GUCY2D: variants seen among roughly 807,000 people sequenced by gnomAD.
GUCY2D encodes retinal guanylyl cyclase 1.
GUCY2D carries 70 observed loss-of-function variants against 101.3 expected under a neutral mutation model. The ratio of observed to expected loss-of-function variants is 0.69; its 90% CI spans 0.57 to 0.84. The LOEUF is 0.84. GUCY2D is among the 40% of genes least tolerant of loss of function. The probability of loss-of-function intolerance (pLI) is 0.00; values close to 1 mark genes in which losing one functional copy is unlikely to be tolerated. For synonymous variants in GUCY2D, 688 were observed against 670.7 expected (o/e 1.03, Z -0.40); for missense variants, 1,460 against 1,542.5 (o/e 0.95, Z 0.90).
In GUCY2D at chr17:8,015,993, T is replaced by C. The variant is rs2151803953; in HGVS notation, c.3110T>C (p.Val1037Ala). 1.2e-6 allele frequency: 2 copies of C among 1,610,790 alleles called. No homozygotes were observed. Among genetic ancestry groups the C allele is most frequent in the South Asian group, 2.2e-5 (2 of 90,340 alleles). The change falls in exon 17 of 20, where the codon GTG (valine) becomes GCG (alanine). Residue 1037 changes from valine (V) to alanine (A), a missense_variant. Physicochemically the swap from Val to Ala is moderately conservative, Grantham distance 64. This residue lies in a region of GUCY2D where 215 missense variants were observed against 227.9 expected (regional missense o/e 0.94). Coordinates refer to ENST00000254854, the MANE Select transcript of GUCY2D (RefSeq NM_000180.4). The stretch of plus-strand genomic sequence containing the variant: ...CGTGCTCTGGACTCGGGCTACCAGG[T>C]GGAGCTGCGAGGCCGCACGGAGCTG... ...ILRALDSGYQ[V>A]ELRGRTELKG...
At chr17:8,008,514 C>T (rs191332697) in intron 7 of GUCY2D, among the ~76,000 whole-genome samples, 95 of 152,226 alleles carry the variant, frequency 6.2e-4, no homozygotes, top group Admixed American at 6.1e-3. Context: ...AATCTGAATG[C>T]GGTCAAGTGG....
In GUCY2D at chr17:8,014,735, A is replaced by G; in HGVS notation, c.2547A>G (p.Thr849=). The change falls in exon 13 of 20, where the codon ACA becomes ACG. Residue 849 remains threonine, a synonymous_variant. Transcript: ENST00000254854. The surrounding 1 kb of genome is among the most constrained non-coding windows in gnomAD (Gnocchi z 4.0). The part of the protein sequence containing the change: ...TEELELEKQK[T]DRLLTQMLPP... ...AGCTGGAGCTGGAAAAGCAGAAGAC[A>G]GACCGGCTGCTTACACAGATGCTGC... 2 of 1,573,468 alleles carry G rather than the reference A, an allele frequency of 1.3e-6. No individual in the cohort carries two copies. The highest frequency in any genetic ancestry group is 1.7e-6 in the Non-Finnish European group (2 of 1,155,584).
At position 8,013,897 on chromosome 17, in the gene GUCY2D, C is replaced by T. The variant is rs200637525; in HGVS notation, c.2281C>T (p.Arg761Trp). The T allele has an allele frequency of 2.2e-5, 35 of 1,612,940 alleles. No individual in the cohort carries two copies. Among genetic ancestry groups the T allele is most frequent in the Non-Finnish European group, 2.8e-5 (33 of 1,179,112 alleles). ...LTPEEVVQRV[R>W]SPPPLCRPLV... ...GCCTCCAGAAGTGGTGCAGAGGGTG[C>T]GGAGCCCCCCTCCACTGTGTCGGCC... Residue 761 changes from arginine to tryptophan, a missense_variant, in exon 12 of 20, where the codon CGG (arginine) becomes TGG (tryptophan). Coordinates refer to ENST00000254854, the MANE Select transcript of GUCY2D (RefSeq NM_000180.4). This position sits in a 1 kb window ranked among gnomAD's most constrained non-coding sequence, Gnocchi z 5.0.
chr17:8,012,980 G>A, intron 10 of GUCY2D, 123 bp from the exon 11 acceptor site: 1 of 809,796 alleles, frequency 1.2e-6, no homozygotes. Flanking sequence ...GCTGGTCTCA[G>A]GTTGCAGGGT....
intron 3 of GUCY2D, among the ~76,000 whole-genome samples, chr17:8,005,683 C>G (rs1486315237): frequency 6.6e-6 from 1 of 152,188 alleles, no homozygotes; most frequent in African/African-American, 2.4e-5. Context: ...GTTTCCCCTA[C>G]TTTTACTCAT....
rs146031822 is a variant in GUCY2D at position 8,006,438 on chromosome 17, G to A, written c.1102G>A (p.Ala368Thr). Residue 368 changes from alanine (A) to threonine (T), a missense_variant, in exon 4 of 20, where the codon GCA (alanine) becomes ACA (threonine). Coordinates refer to ENST00000254854, the MANE Select transcript of GUCY2D (RefSeq NM_000180.4). ...ARGVAEARAA[A>T]GGRWVSGAAV... ...GGGCGTGGCAGAAGCGCGGGCTGCC[G>A]CAGGTGGCAGATGGGTGTCCGGAGC... The A allele has an allele frequency of 1.9e-6, 3 of 1,604,294 alleles. No homozygotes were observed. Among genetic ancestry groups the A allele is most frequent in the Non-Finnish European group, 2.5e-6 (3 of 1,179,970 alleles).
In GUCY2D at chr17:8,012,738, G is replaced by A. The variant is rs1053592316; in HGVS notation, c.2113+132G>A. The stretch of plus-strand genomic sequence containing the variant: ...TCCACCAGACACAATTCCTGCTACA[G>A]AAAAGATCTTGTGGCCTCTGAGAGG... On this transcript the variant is annotated intron_variant, in intron 10 of 19. Transcript: ENST00000254854. 4 of 806,994 alleles carry A rather than the reference G, an allele frequency of 5.0e-6. No individual in the cohort carries two copies. In the East Asian group the frequency reaches 1.1e-4, roughly 22 times the overall value. The allele number at this position is 806,994 out of a possible 1,614,324, so 50.0% of individuals were successfully genotyped here.
chr17:8,005,019 AAGT>A (rs1379580100), intron 3 of GUCY2D, among the ~76,000 whole-genome samples: 1 of 151,964 alleles, frequency 6.6e-6, no homozygotes, highest in Admixed American at 6.6e-5. Flanking sequence ...GAGGTTGAGA[AAGT>A]AGAGAGAGAA....
rs1250667402 is a variant in GUCY2D at position 8,012,468 on chromosome 17, C to T, written c.1975C>T (p.His659Tyr). ...TTCCAAGGGAATAAGGTATCTGCAC[C>T]ATCGAGGCGTGGCTCATGGGCGGCT... ...DLIKGIRYLH[H>Y]RGVAHGRLKS... The change falls in exon 10 of 20, where the codon CAT becomes TAT. Residue 659 changes from histidine to tyrosine, a missense_variant. Coordinates refer to ENST00000254854, the MANE Select transcript of GUCY2D (RefSeq NM_000180.4). 1 of 1,613,968 alleles carries T rather than the reference C, an allele frequency of 6.2e-7. No individual in the cohort carries two copies. The highest frequency in any genetic ancestry group is 2.2e-5 in the East Asian group (1 of 44,894).
rs1975646212 is a variant in GUCY2D at position 8,002,682 on chromosome 17, C to A, written c.-62C>A. On this transcript the variant is annotated 5_prime_UTR_variant, in exon 1 of 20. Transcript: ENST00000254854. This position sits in a 1 kb window ranked among gnomAD's most constrained non-coding sequence, Gnocchi z 4.9. ...TGTGGGCGGGCGTCAAAAGGGGGAC[C>A]GGCCCTGTGACCCCTCACCGGGGGC... 4.3e-6 allele frequency: 1 copy of A among 232,076 alleles called. No homozygotes were observed. The highest frequency in any genetic ancestry group is 8.0e-6 in the Non-Finnish European group (1 of 124,780). The allele number at this position is 232,076 out of a possible 1,614,324, so 14.4% of individuals were successfully genotyped here. A position where few individuals can be genotyped will look rare whatever the true frequency, so the allele number is the denominator to read the frequency against.
At chr17:8,006,271 AGTGGATACCCTG>A in intron 3 of GUCY2D, 80 bp from the exon 4 acceptor site, 1 of 938,354 alleles carries the variant, frequency 1.1e-6, no homozygotes, top group Non-Finnish European at 1.7e-6. Flanking sequence ...AGGTGGCAAC[AGTGGATACCCTG>A]GGCTTGACAG....
intron 10 of GUCY2D, 92 bp downstream of exon 10, chr17:8,012,698 T>C: frequency 1.0e-6 from 1 of 992,912 alleles, no homozygotes; most frequent in Non-Finnish European, 1.6e-6. Context: ...GCCCTCGCAC[T>C]CTCTTCATCC....
Position 8,013,342 on chromosome 17 carries a change from C to T in GUCY2D, c.2263+90C>T. ...CTCACTCTTTCCTCTAAAGCAAAGCCCAGTGATGAAACTCAATTATACGGA... is the reference window on the plus strand; with the variant it reads ...CTCACTCTTTCCTCTAAAGCAAAGCTCAGTGATGAAACTCAATTATACGGA... On this transcript the variant is annotated intron_variant, in intron 11 of 19. Coordinates refer to ENST00000254854, the MANE Select transcript of GUCY2D (RefSeq NM_000180.4). This position sits in a 1 kb window ranked among gnomAD's most constrained non-coding sequence, Gnocchi z 5.0. 7.5e-7 allele frequency: 1 copy of T among 1,337,694 alleles called. No individual in the cohort carries two copies. Among genetic ancestry groups the T allele is most frequent in the Non-Finnish European group, 1.1e-6 (1 of 947,666 alleles). The allele number at this position is 1,337,694 out of a possible 1,614,324, so 82.9% of individuals were successfully genotyped here.
intron 19 of GUCY2D, among the ~76,000 whole-genome samples, chr17:8,018,457 T>C (rs1351966713): frequency 6.6e-6 from 1 of 152,202 alleles, no homozygotes; most frequent in African/African-American, 2.4e-5. Flanking sequence ...GATCTTTAAA[T>C]CTTAGAATCT....
rs377650196 is a variant in GUCY2D at position 8,006,556 on chromosome 17, C to T, written c.1220C>T (p.Thr407Met). The T allele has an allele frequency of 3.5e-5, 56 of 1,612,986 alleles. No individual in the cohort carries two copies. The highest frequency in any genetic ancestry group is 4.3e-5 in the Non-Finnish European group (51 of 1,180,040). Residue 407 changes from threonine to methionine, a missense_variant, in exon 4 of 20, where the codon ACG becomes ATG. Coordinates refer to ENST00000254854, the MANE Select transcript of GUCY2D (RefSeq NM_000180.4). ...GAGCCCCCATTCGTGCTGCTAGACA[C>T]GGACGCGGCGGGAGACCGGCTTTTT... is the stretch of plus-strand genomic sequence containing the variant. ...DEEPPFVLLDTDAAGDRLFAT... is the reference protein window; with the variant it reads ...DEEPPFVLLDMDAAGDRLFAT...
Position 8,013,836 on chromosome 17 carries a change from G to A in GUCY2D, c.2264-44G>A, listed in dbSNP as rs1975904448. 4 of 1,588,298 alleles carry A rather than the reference G, an allele frequency of 2.5e-6. No individual in the cohort carries two copies. Among genetic ancestry groups the A allele is most frequent in the Non-Finnish European group, 2.6e-6 (3 of 1,157,492 alleles). ...CAGGCCAGGGTCAGAGGCAGCCTTT[G>A]TGTTCTGGGGGCACTCCCCCTCACT... On this transcript the variant is annotated intron_variant, in intron 11 of 19. Transcript: ENST00000254854. The surrounding 1 kb of genome is among the most constrained non-coding windows in gnomAD (Gnocchi z 5.0).
In GUCY2D at chr17:8,013,405, G is replaced by A; in HGVS notation, c.2263+153G>A. 1.3e-6 allele frequency: 1 copy of A among 797,214 alleles called. No homozygotes were observed. The highest frequency in any genetic ancestry group is 2.1e-6 in the Non-Finnish European group (1 of 476,620). 49.4% of individuals were successfully genotyped at this position (797,214 alleles called of 1,614,324 possible). Reference sequence around the variant, plus strand: ...GCTGGCATCTGCAGGTCTGGGTGCAGAAAGCCGTGCATGGCCAGGGTGGGG... The same window carrying A: ...GCTGGCATCTGCAGGTCTGGGTGCAAAAAGCCGTGCATGGCCAGGGTGGGG... On this transcript the variant is annotated intron_variant, in intron 11 of 19. Transcript: ENST00000254854. This position sits in a 1 kb window ranked among gnomAD's most constrained non-coding sequence, Gnocchi z 5.0.
At position 8,016,543 on chromosome 17, in the gene GUCY2D, G is replaced by A; in HGVS notation, c.*13G>A. On this transcript the variant is annotated 3_prime_UTR_variant, in exon 19 of 20. Transcript: ENST00000254854. ...CCAGTTCTCTTGAGAAGTGAGGCCC[G>A]GCCCCGGACAGGTACTGCCCCCTCA... is the stretch of plus-strand genomic sequence containing the variant. The A allele has an allele frequency of 6.5e-7, 1 of 1,528,564 alleles. No individual in the cohort carries two copies. The highest frequency in any genetic ancestry group is 8.9e-7 in the Non-Finnish European group (1 of 1,128,728). The allele number at this position is 1,528,564 out of a possible 1,614,324, so 94.7% of individuals were successfully genotyped here.
At chr17:8,008,621 G>A (rs1975791471) in intron 7 of GUCY2D, among the ~76,000 whole-genome samples, 1 of 152,184 alleles carries the variant, frequency 6.6e-6, no homozygotes, top group Non-Finnish European at 1.5e-5. Context: ...GTCATGGGAA[G>A]GAATGCAGAG....
Sources: gnomAD v4.1 joint callset for allele counts (sites outside exome capture counted in the v4.1 genomes callset) on GRCh38, gnomAD v4.1.1 for gene constraint, gnomAD v4.1.1 regional missense constraint, Gnocchi (gnomAD v3.1) non-coding constraint, MANE v1.5 for transcripts, NCBI Gene and HGNC (gene_info 2026-07-23, HGNC 2026-07-21) for gene names.